CEP290: variants seen among roughly 807,000 people sequenced by gnomAD.
CEP290 encodes the protein centrosomal protein 290.
CEP290 carries 317 observed loss-of-function variants against 344.9 expected under a neutral mutation model. That is an observed-to-expected ratio of 0.92 (90% CI 0.84 to 1.01). The LOEUF is 1.01. CEP290 is among the 50% of genes least tolerant of loss of function. The probability of loss-of-function intolerance (pLI) is 0.00; values close to 1 mark genes in which losing one functional copy is unlikely to be tolerated. For synonymous variants in CEP290, 932 were observed against 895.8 expected (o/e 1.04, Z -0.72); for missense variants, 2,754 against 2,761.4 (o/e 1.00, Z 0.06).
rs1446567922 is a variant in CEP290, at chr12:88,092,852, A to G, written c.3310-20T>C. 3 of 1,607,134 alleles carry G rather than the reference A, an allele frequency of 1.9e-6. No individual in the cohort carries two copies. The highest frequency in any genetic ancestry group is 4.5e-5 in the East Asian group (2 of 44,620). On this transcript the variant is annotated intron_variant, in intron 28 of 53. Transcript: ENST00000552810. ...GGTAAGCTAAGGAAATGTAACAAAA[A>G]ATGTTCAGATACATCAATTTTTGGT...
intron 13 of CEP290, among the ~76,000 whole-genome samples, chr12:88,124,376 T>G (rs1324639227): frequency 1.3e-5 from 2 of 152,116 alleles, no homozygotes; most frequent in African/African-American, 2.4e-5. Context: ...CATCTGCATG[T>G]TTCACTCCTT....
At chr12:88,116,969 G>A (rs1262316795) in intron 18 of CEP290, 64 bp downstream of exon 18, 26 of 761,112 alleles carry the variant, frequency 3.4e-5, no homozygotes, top group East Asian at 3.0e-4. Context: ...GCGAGACTCC[G>A]TCTCAAAAAA....
chr12:88,115,998 G>A (rs2039015303), intron 18 of CEP290: 1 of 985,020 alleles, frequency 1.0e-6, no homozygotes, highest in Non-Finnish European at 1.2e-6. Context: ...TTCTAATGTT[G>A]CTACTTGTGA....
intron 52 of CEP290, among the ~76,000 whole-genome samples, chr12:88,052,495 G>A (rs903324169): frequency 2.0e-5 from 3 of 152,094 alleles, no homozygotes; most frequent in African/African-American, 7.2e-5. Flanking sequence ...TCAATTTTAT[G>A]TTACTTGCCA....
chr12:88,119,683 C>A (rs1565898921), intron 15 of CEP290, among the ~76,000 whole-genome samples: 1 of 152,052 alleles, frequency 6.6e-6, no homozygotes, highest in Non-Finnish European at 1.5e-5. Context: ...CCTGTAATCC[C>A]AGCTACTCAG....
At chr12:88,088,025 T>A in intron 31 of CEP290, 81 bp from the exon 32 acceptor site, 1 of 513,800 alleles carries the variant, frequency 1.9e-6, no homozygotes, top group Non-Finnish European at 3.1e-6. Context: ...ATGATTTTAA[T>A]TGAAAGTAAT....
At chr12:88,076,842 T>C (rs371867656) in intron 41 of CEP290, among the ~76,000 whole-genome samples, 2 of 152,170 alleles carry the variant, frequency 1.3e-5, no homozygotes, top group South Asian at 2.1e-4. Context: ...TTAAAATGTC[T>C]ATCTTTCTGT....
At position 88,077,776 on chromosome 12, in the gene CEP290, A is replaced by G. The variant is rs1211065759; in HGVS notation, c.5507T>C (p.Ile1836Thr). Residue 1836 changes from isoleucine to threonine, a missense_variant, in exon 40 of 54, where the codon ATA becomes ACA. Coordinates refer to ENST00000552810, the MANE Select transcript of CEP290 (RefSeq NM_025114.4). ...LQKKQKAYNK[I>T]LREKEEIDQE... Reference sequence around the variant, plus strand: ...ATCAATTTCCTCTTTCTCTCTAAGTATTTTATTATAGGCTTTTTGTTTCTT... The same window carrying G: ...ATCAATTTCCTCTTTCTCTCTAAGTGTTTTATTATAGGCTTTTTGTTTCTT... 1.3e-6 allele frequency: 2 copies of G among 1,579,520 alleles called. No individual in the cohort carries two copies.
chr12:88,114,846 AT>A (rs2038942644), intron 19 of CEP290, among the ~76,000 whole-genome samples: 2 of 152,142 alleles, frequency 1.3e-5, no homozygotes, highest in Non-Finnish European at 2.9e-5. Flanking sequence ...TTCTAACTTC[AT>A]TTTGATTGAA....
chr12:88,109,005 T>A, intron 23 of CEP290, 61 bp downstream of exon 23: 2 of 573,438 alleles, frequency 3.5e-6, no homozygotes, highest in Non-Finnish European at 3.0e-6. Context: ...ATTCTTACGT[T>A]ACTTTCACAA....
intron 11 of CEP290, among the ~76,000 whole-genome samples, chr12:88,127,521 T>C (rs1163605917): frequency 6.6e-6 from 1 of 151,900 alleles, no homozygotes; most frequent in African/African-American, 2.4e-5. Context: ...CAAAACAAGA[T>C]ATTAGGAGAA....
Position 88,141,283 on chromosome 12 carries a change from C to T in CEP290, c.25G>A (p.Glu9Lys). The T allele has an allele frequency of 6.2e-7, 1 of 1,611,092 alleles. No individual in the cohort carries two copies. The highest frequency in any genetic ancestry group is 8.5e-7 in the Non-Finnish European group (1 of 1,178,944). Reference protein sequence around the residue: MPPNINWKEIMKVDPDDLP... With the variant: MPPNINWKKIMKVDPDDLP... ...TCATCTGGGTCAACTTTCATTATTT[C>T]TTTCCAGTTTATATTAGGTGGCATC... The change falls in exon 2 of 54, where the codon GAA (glutamate) becomes AAA (lysine). Residue 9 changes from glutamate (E) to lysine (K), a missense_variant. By Grantham distance (56) the Glu-to-Lys change is moderately conservative. Transcript: ENST00000552810.
chr12:88,120,032 A>G (rs1174585457), intron 15 of CEP290, 82 bp downstream of exon 15: 5 of 870,476 alleles, frequency 5.7e-6, no homozygotes, highest in East Asian at 6.2e-5. Context: ...TACTTAATAA[A>G]TAATAATAAA....
chr12:88,126,553 T>A, intron 11 of CEP290, 115 bp from the exon 12 acceptor site: 1 of 702,288 alleles, frequency 1.4e-6, no homozygotes, highest in Non-Finnish European at 2.1e-6. Flanking sequence ...ATAAAAATTA[T>A]TTGAAATGAG....
intron 48 of CEP290, 139 bp from the exon 49 acceptor site, chr12:88,059,159 T>C: frequency 1.6e-6 from 1 of 640,976 alleles, no homozygotes; most frequent in Non-Finnish European, 2.6e-6. Flanking sequence ...TTTCAACAAA[T>C]TCAACATCTC....
At chr12:88,124,867 T>C (rs1198328487) in intron 13 of CEP290, among the ~76,000 whole-genome samples, 6 of 152,072 alleles carry the variant, frequency 3.9e-5, no homozygotes, top group African/African-American at 1.4e-4. Context: ...TGGGTAAGAT[T>C]AATGTGAAAT....
rs1592550848 is a variant in CEP290 at position 88,096,887 on chromosome 12, C to T, written c.3103+1G>A. The T allele has an allele frequency of 1.3e-5, 19 of 1,445,958 alleles. No homozygotes were observed. The highest frequency in any genetic ancestry group is 1.8e-5 in the Non-Finnish European group (19 of 1,054,360). 89.6% of individuals were successfully genotyped at this position (1,445,958 alleles called of 1,614,324 possible). ...TATATTATCAGAGTCATAAAACTTA[C>T]CTAATTTAGTTTCCTGTTCCCAGGC... On this transcript the variant is annotated splice_donor_variant, in intron 27 of 53. Transcript: ENST00000552810. LOFTEE classifies it high-confidence loss of function.
Position 88,121,176 on chromosome 12 carries a change from A to T in CEP290, c.1190-10T>A. 1 of 1,601,376 alleles carries T rather than the reference A, an allele frequency of 6.2e-7. No homozygotes were observed. Among genetic ancestry groups the T allele is most frequent in the East Asian group, 2.2e-5 (1 of 44,666 alleles). On this transcript the variant is annotated splice_polypyrimidine_tract_variant and intron_variant, in intron 13 of 53. Transcript: ENST00000552810. ...GAAAGGGTTGAAGCACCTACAGAGT[A>T]AAAACAAAAATCATGAATTGAATTG...
intron 3 of CEP290, among the ~76,000 whole-genome samples, chr12:88,140,467 T>A (rs1220120295): frequency 6.6e-6 from 1 of 152,236 alleles, no homozygotes; most frequent in African/African-American, 2.4e-5. Flanking sequence ...GCTACAAACT[T>A]GCTGCACCTT....
Sources: allele counts gnomAD v4.1 joint callset (sites outside exome capture counted in the v4.1 genomes callset), GRCh38; gene constraint gnomAD v4.1.1; transcripts MANE v1.5; gene names NCBI Gene and HGNC (gene_info 2026-07-23, HGNC 2026-07-21).